The following GRAMD4 variants were observed in gnomAD, a reference collection of about 807,000 sequenced individuals.
The protein encoded by GRAMD4 is GRAM domain-containing protein 4.
Under a neutral mutation model 83.9 loss-of-function variants are expected in GRAMD4, and 25 were observed. That is an observed-to-expected ratio of 0.30 (90% CI 0.22 to 0.42). The LOEUF is 0.42. GRAMD4 is among the 10% of genes least tolerant of loss of function. The pLI is 1.00. For synonymous variants in GRAMD4, 336 were observed against 320.9 expected, an observed-to-expected ratio of 1.05 and a Z score of -0.50; for missense variants, 593 against 788.7, an observed-to-expected ratio of 0.75 and a Z score of 2.97.
chr22:46,595,097 C>G (rs933787785), intron 1 of GRAMD4, among the ~76,000 whole-genome samples: 1 of 152,110 alleles, frequency 6.6e-6, no homozygotes, highest in Non-Finnish European at 1.5e-5. Flanking sequence ...CATCCCAGCC[C>G]CACATGCGGC....
chr22:46,679,210 T>G lies in GRAMD4; in HGVS notation c.*1959T>G. On this transcript the variant is annotated 3_prime_UTR_variant, in exon 19 of 19. Transcript: ENST00000406902. Reference sequence around the variant, plus strand: ...CTCGGGGCCAATGAGCGCCTCTTCCTAGGTGCTGGGATTCAGTCCCCAAAC... The same window carrying G: ...CTCGGGGCCAATGAGCGCCTCTTCCGAGGTGCTGGGATTCAGTCCCCAAAC... The G allele has an allele frequency of 2.0e-6, 2 of 985,494 alleles. No individual in the cohort carries two copies. Among genetic ancestry groups the G allele is most frequent in the Non-Finnish European group, 2.4e-6 (2 of 829,952 alleles). The allele number at this position is 985,494 out of a possible 1,614,324, so 61.0% of individuals were successfully genotyped here. A position where few individuals can be genotyped will look rare whatever the true frequency, so the allele number is the denominator to read the frequency against.
chr22:46,623,130 G>A (rs1416677855), intron 1 of GRAMD4, among the ~76,000 whole-genome samples: 1 of 152,094 alleles, frequency 6.6e-6, no homozygotes, highest in Non-Finnish European at 1.5e-5. Context: ...GACAGTCACA[G>A]GAAGGTCCCG....
At chr22:46,586,040 C>G (rs2081146575) in intron 1 of GRAMD4, among the ~76,000 whole-genome samples, 1 of 151,854 alleles carries the variant, frequency 6.6e-6, no homozygotes, top group African/African-American at 2.4e-5. Context: ...CCCATGACCC[C>G]CACGTTTCCC....
chr22:46,676,681 C>CG lies in GRAMD4; in HGVS notation c.1632+19dup, dbSNP rs1569309703. On this transcript the variant is annotated intron_variant, in intron 18 of 18. Transcript: ENST00000406902. ...ATCCACCCAGAAAGTAGGTGCCGGG[C>CG]GGGGGGCCGCCAAGGGGTTGGTGTG... The CG allele has an allele frequency of 3.2e-6, 5 of 1,546,818 alleles. No individual in the cohort carries two copies. In the African/African-American group the frequency reaches 4.1e-5, roughly 13 times the overall value.
At chr22:46,601,105 C>T (rs1248932457) in intron 1 of GRAMD4, among the ~76,000 whole-genome samples, 1 of 152,124 alleles carries the variant, frequency 6.6e-6, no homozygotes, top group Non-Finnish European at 1.5e-5. Flanking sequence ...GATTGCACCA[C>T]TGCACTCCAG....
chr22:46,677,652 T>TCGTCCACCACCAAAGC lies in GRAMD4; in HGVS notation c.*403_*418dup, dbSNP rs1281580260. The TCGTCCACCACCAAAGC allele has an allele frequency of 1.0e-6, 1 of 996,408 alleles. No homozygotes were observed. Among genetic ancestry groups the TCGTCCACCACCAAAGC allele is most frequent in the East Asian group, 1.0e-4 (1 of 9,594 alleles). 61.7% of individuals were successfully genotyped at this position (996,408 alleles called of 1,614,324 possible). On this transcript the variant is annotated 3_prime_UTR_variant, in exon 19 of 19. Transcript: ENST00000406902. ...GTCCCGCTCTCCAGAGGCCAGAAGC[T>TCGTCCACCACCAAAGC]CGTCCACCACCAAAGCCATAGCTGA...
chr22:46,673,761 A>C lies in GRAMD4; in HGVS notation c.1331A>C (p.Lys444Thr). 2 of 1,613,102 alleles carry C rather than the reference A, an allele frequency of 1.2e-6. No individual in the cohort carries two copies. The highest frequency in any genetic ancestry group is 1.7e-6 in the Non-Finnish European group (2 of 1,179,972). Reference sequence around the variant, plus strand: ...GCCGGTCGCTTCCACAGCACCAAGAAGGGCAATTTCCACGAGATCTTCAAT... The same window carrying C: ...GCCGGTCGCTTCCACAGCACCAAGACGGGCAATTTCCACGAGATCTTCAAT... ...EDAGRFHSTK[K>T]GNFHEIFNLT... Residue 444 changes from lysine (K) to threonine (T), a missense_variant, in exon 15 of 19, where the codon AAG (lysine) becomes ACG (threonine). Around this residue, in one of 4 missense-constraint regions of GRAMD4, gnomAD observed 171 missense variants for 199.6 expected, o/e 0.86. Coordinates refer to ENST00000406902, the MANE Select transcript of GRAMD4 (RefSeq NM_015124.5).
chr22:46,677,302 CTTTTTTTTTT>C lies in GRAMD4; in HGVS notation c.*55_*64del. On this transcript the variant is annotated 3_prime_UTR_variant, in exon 19 of 19. Coordinates refer to ENST00000406902, the MANE Select transcript of GRAMD4 (RefSeq NM_015124.5). The stretch of plus-strand genomic sequence containing the variant: ...GAATTTTCTTTTTCTTTTTCTTTTT[CTTTTTTTTTT>C]TTTACGATTTGGTAGTGGAAACAAT... 7.5e-7 allele frequency: 1 copy of C among 1,340,598 alleles called. No individual in the cohort carries two copies. The highest frequency in any genetic ancestry group is 1.0e-6 in the Non-Finnish European group (1 of 994,296). 83.0% of individuals were successfully genotyped at this position (1,340,598 alleles called of 1,614,324 possible).
chr22:46,587,844 CA>C (rs1157124455), intron 1 of GRAMD4: 1 of 922,406 alleles, frequency 1.1e-6, no homozygotes, highest in Non-Finnish European at 1.3e-6. Context: ...GGAAGTGAAA[CA>C]GGCGTGTGCG....
intron 15 of GRAMD4, among the ~76,000 whole-genome samples, chr22:46,674,290 A>G (rs888575111): frequency 1.3e-5 from 2 of 152,068 alleles, no homozygotes; most frequent in Admixed American, 6.5e-5. Flanking sequence ...GCAGCTGCGG[A>G]GAACGGAGCT....
rs116591161 is a variant in GRAMD4 at position 46,630,638 on chromosome 22, G to T, written c.162+3677G>T. 1.0e-3 allele frequency among the ~76,000 whole-genome samples: 154 copies of T among 152,316 alleles called. 1 individual carries two copies. Among genetic ancestry groups the T allele is most frequent in the African/African-American group, 3.6e-3 (148 of 41,568 alleles). On this transcript the variant is annotated intron_variant, in intron 2 of 18. Transcript: ENST00000406902. ...AGTGCTCCAGGAGCTCTTCCGTGGC[G>T]GACCCCAAGCAGCCTCACTCCTGGC...
At chr22:46,596,539 C>T (rs941359263) in intron 1 of GRAMD4, among the ~76,000 whole-genome samples, 5 of 152,164 alleles carry the variant, frequency 3.3e-5, no homozygotes, top group Non-Finnish European at 5.9e-5. Flanking sequence ...TAGAGATTAG[C>T]CTTTTTTATT....
chr22:46,680,569 T>C (rs1198872821), downstream of GRAMD4, among the ~76,000 whole-genome samples: 44 of 117,422 alleles, frequency 3.7e-4, no homozygotes, highest in South Asian at 7.5e-4. Context: ...CGTCCGTCCA[T>C]CCATCCATCC....
chr22:46,611,654 G>A (rs2081417926), intron 1 of GRAMD4, among the ~76,000 whole-genome samples: 1 of 152,038 alleles, frequency 6.6e-6, no homozygotes, highest in African/African-American at 2.4e-5. Flanking sequence ...CTGAGGTGTG[G>A]ATGGAACTGT....
Position 46,678,155 on chromosome 22 carries a change from T to A in GRAMD4, c.*904T>A. 2.0e-6 allele frequency: 2 copies of A among 985,570 alleles called. No individual in the cohort carries two copies. Among genetic ancestry groups the A allele is most frequent in the African/African-American group, 1.7e-5 (1 of 57,362 alleles). The allele number at this position is 985,570 out of a possible 1,614,324, so 61.1% of individuals were successfully genotyped here. On this transcript the variant is annotated 3_prime_UTR_variant, in exon 19 of 19. Transcript: ENST00000406902. ...CGAGCACTGTGGCATGTCTGGCACA[T>A]GGCCCCCAGGCTGCGGTTGCCTGGG...
At chr22:46,618,776 G>A (rs1050465030), upstream of GRAMD4, among the ~76,000 whole-genome samples, 5 of 152,208 alleles carry the variant, frequency 3.3e-5, no homozygotes, top group Non-Finnish European at 5.9e-5. This position sits in a 1 kb window ranked among gnomAD's most constrained non-coding sequence, Gnocchi z 5.8. Flanking sequence ...GTGCAGCCCC[G>A]TCTGGAGGCG....
chr22:46,682,185 A>G (rs2082674249), downstream of GRAMD4, among the ~76,000 whole-genome samples: 1 of 152,192 alleles, frequency 6.6e-6, no homozygotes. Flanking sequence ...ACAGAGGGGC[A>G]GCTGGGGTGG....
chr22:46,597,418 A>G (rs1048447144), intron 1 of GRAMD4, among the ~76,000 whole-genome samples: 4 of 151,932 alleles, frequency 2.6e-5, no homozygotes, highest in African/African-American at 7.3e-5. Flanking sequence ...GGTGGTAGTT[A>G]CCTCTCCTTC....
rs918783585 is a variant in GRAMD4, at chr22:46,678,954, C to G, written c.*1703C>G. The G allele has an allele frequency of 9.1e-6, 9 of 985,746 alleles. No individual in the cohort carries two copies. The highest frequency in any genetic ancestry group is 1.1e-5 in the Non-Finnish European group (9 of 829,976). The allele number at this position is 985,746 out of a possible 1,614,324, so 61.1% of individuals were successfully genotyped here. On this transcript the variant is annotated 3_prime_UTR_variant, in exon 19 of 19. Transcript: ENST00000406902. ...AGGATGACCACACGGCGGCCTTTCC[C>G]GAATGGGGACAGAACCCGCTCTGAG...
Sources: allele counts gnomAD v4.1 joint callset (sites outside exome capture counted in the v4.1 genomes callset), GRCh38; gene constraint gnomAD v4.1.1; regional missense constraint gnomAD v4.1.1; non-coding constraint Gnocchi (gnomAD v3.1); transcripts MANE v1.5; gene names NCBI Gene and HGNC (gene_info 2026-07-23, HGNC 2026-07-21).